Variants in AIPL1 observed in about 807,000 individuals in gnomAD.
The protein encoded by AIPL1 is aryl-hydrocarbon-interacting protein-like 1.
A neutral mutation model predicts 32.9 loss-of-function variants in AIPL1; 23 were observed. The observed-to-expected ratio is 0.70, with a 90% CI of 0.50 to 0.99. The LOEUF (loss-of-function observed/expected upper bound fraction) is 0.99. Among genes scored for constraint, AIPL1 ranks in the 50% least tolerant of loss-of-function variants. The pLI is 0.00. For missense variants in AIPL1, 485 were observed against 506.0 expected (o/e 0.96, Z 0.40); for synonymous variants, 210 against 209.4 (o/e 1.00, Z -0.02).
chr17:6,425,957 C>G, intron 5 of AIPL1, 127 bp from the exon 6 acceptor site: 1 of 1,308,068 alleles, frequency 7.6e-7, no homozygotes, highest in South Asian at 1.5e-5. Context: ...CTCTGTATCC[C>G]CCATCCCTCG....
intron 5 of AIPL1, 150 bp from the exon 6 acceptor site, chr17:6,425,980 G>A (rs960474692): frequency 8.7e-7 from 1 of 1,152,250 alleles, no homozygotes. Context: ...TTCCTCAACT[G>A]TAAGATGGAG....
chr17:6,425,275 T>G lies in AIPL1; in HGVS notation c.*185A>C. On this transcript the variant is annotated 3_prime_UTR_variant, in exon 6 of 6. Transcript: ENST00000381129. ...AGAGGGGTAGAGGAGAAAACTACTT[T>G]TATTCATAAGCTCTTCTGTACCCTT... is the stretch of plus-strand genomic sequence containing the variant. 2.8e-6 allele frequency: 2 copies of G among 717,478 alleles called. No homozygotes were observed. The highest frequency in any genetic ancestry group is 4.1e-6 in the Non-Finnish European group (2 of 482,542). 44.4% of individuals were successfully genotyped at this position (717,478 alleles called of 1,614,324 possible).
chr17:6,426,893 G>A lies in AIPL1; in HGVS notation c.630C>T (p.Asn210=). 1 of 1,614,174 alleles carries A rather than the reference G, an allele frequency of 6.2e-7. No individual in the cohort carries two copies. The highest frequency in any genetic ancestry group is 8.5e-7 in the Non-Finnish European group (1 of 1,180,048). The change falls in exon 4 of 6, where the codon AAC becomes AAT. Residue 210 remains asparagine, a synonymous_variant. Transcript: ENST00000381129. ...KYQEAIICLR[N]LQTKEKPWEV... ...AGCGGCCTCTGACCTTGGTCTGCAG[G>A]TTCCTTAGGCAGATGATGGCCTCCT... is the stretch of plus-strand genomic sequence containing the variant.
chr17:6,427,791 A>G (rs1397349660), intron 3 of AIPL1, among the ~76,000 whole-genome samples: 1 of 150,370 alleles, frequency 6.7e-6, no homozygotes, highest in African/African-American at 2.4e-5. Context: ...CACATTTTTA[A>G]AAACTGGTTC....
At chr17:6,433,242 G>A (rs1293873868) in intron 2 of AIPL1, among the ~76,000 whole-genome samples, 1 of 152,186 alleles carries the variant, frequency 6.6e-6, no homozygotes, top group Non-Finnish European at 1.5e-5. Context: ...GGGCAAAAAA[G>A]TGACCAGTGC....
chr17:6,425,698 C>G lies in AIPL1; in HGVS notation c.917G>C (p.Arg306Thr), dbSNP rs1307386356. The G allele has an allele frequency of 6.2e-7, 1 of 1,608,758 alleles. No individual in the cohort carries two copies. The highest frequency in any genetic ancestry group is 8.5e-7 in the Non-Finnish European group (1 of 1,179,990). Residue 306 changes from arginine (R) to threonine (T), a missense_variant, in exon 6 of 6, where the codon AGG (arginine) becomes ACG (threonine). Transcript: ENST00000381129. ...CTCCGCCATGCGGTTCTCCAGCAGCCTCAGCTCCCTGCGCACCGCCTTCTG... is the reference window on the plus strand; with the variant it reads ...CTCCGCCATGCGGTTCTCCAGCAGCGTCAGCTCCCTGCGCACCGCCTTCTG... ...SMQKAVRREL[R>T]LLENRMAEKQ... is the part of the protein sequence containing the mutation.
At position 6,425,262 on chromosome 17, in the gene AIPL1, G is replaced by A; in HGVS notation, c.*198C>T. ...CACGGAAGGAATGAGAGGGGTAGAG[G>A]AGAAAACTACTTTTATTCATAAGCT... On this transcript the variant is annotated 3_prime_UTR_variant, in exon 6 of 6. Coordinates refer to ENST00000381129, the MANE Select transcript of AIPL1 (RefSeq NM_014336.5). 8.1e-6 allele frequency: 5 copies of A among 618,120 alleles called. No individual in the cohort carries two copies. Among genetic ancestry groups the A allele is most frequent in the Non-Finnish European group, 1.3e-5 (5 of 393,738 alleles). The allele number at this position is 618,120 out of a possible 1,614,324, so 38.3% of individuals were successfully genotyped here.
At chr17:6,432,850 C>T (rs573533526) in intron 2 of AIPL1, among the ~76,000 whole-genome samples, 1 of 152,240 alleles carries the variant, frequency 6.6e-6, no homozygotes, top group Non-Finnish European at 1.5e-5. Flanking sequence ...AGGCTGGTCT[C>T]CAACTCCTGA....
In AIPL1 at chr17:6,425,480, C is replaced by T. The variant is rs915044721; in HGVS notation, c.1135G>A (p.Gly379Arg). The T allele has an allele frequency of 2.5e-6, 4 of 1,602,172 alleles. No individual in the cohort carries two copies. The highest frequency in any genetic ancestry group is 1.7e-5 in the Admixed American group (1 of 59,904). The change falls in exon 6 of 6, where the codon GGG becomes AGG. Residue 379 changes from glycine (G) to arginine (R), a missense_variant. Gly to Arg is a moderately radical substitution (Grantham distance 125, BLOSUM62 -2). Coordinates refer to ENST00000381129, the MANE Select transcript of AIPL1 (RefSeq NM_014336.5). The stretch of plus-strand genomic sequence containing the variant: ...GGGGCTCAGTGCTGCAGCGAGTGCC[C>T]TGGGGACGGGGGTGGCTCTGTGGCT... ...EPATEPPPSP[G>R]HSLQH
intron 5 of AIPL1, 154 bp from the exon 6 acceptor site, chr17:6,425,984 G>T: frequency 9.0e-7 from 1 of 1,112,798 alleles, no homozygotes; most frequent in Non-Finnish European, 1.2e-6. Context: ...TCAACTGTAA[G>T]ATGGAGATGA....
In AIPL1 at chr17:6,433,903, C is replaced by A. The variant is rs1165122917; in HGVS notation, c.276+16G>T. 3 of 1,612,164 alleles carry A rather than the reference C, an allele frequency of 1.9e-6. No individual in the cohort carries two copies. The African/African-American group carries it at 4.0e-5, about 22-fold the overall frequency. ...AAAGACTAGTCCCAGGAGACAGGCG[C>A]GCAGGGCCTACTTACGATGGTGTCG... On this transcript the variant is annotated intron_variant, in intron 2 of 5. Coordinates refer to ENST00000381129, the MANE Select transcript of AIPL1 (RefSeq NM_014336.5).
Position 6,425,787 on chromosome 17 carries a change from C to G in AIPL1, c.828G>C (p.Glu276Asp), listed in dbSNP as rs772357501. ...AYYVRARAHA[E>D]VWNEAEAKAD... ...CCTTGGCCTCGGCCTCATTCCACAC[C>G]TCTGCGTGAGCCCGGGCACGCACGT... Residue 276 changes from glutamate (E) to aspartate (D), a missense_variant, in exon 6 of 6, where the codon GAG (glutamate) becomes GAC (aspartate). By Grantham distance (45) the Glu-to-Asp change is conservative. Coordinates refer to ENST00000381129, the MANE Select transcript of AIPL1 (RefSeq NM_014336.5). 26 of 1,606,224 alleles carry G rather than the reference C, an allele frequency of 1.6e-5. No homozygotes were observed. In the East Asian group the frequency reaches 4.0e-4, roughly 25 times the overall value.
intron 3 of AIPL1, among the ~76,000 whole-genome samples, chr17:6,427,823 T>C (rs74585765): frequency 6.9e-5 from 10 of 144,490 alleles, no homozygotes; most frequent in South Asian, 2.2e-4. Flanking sequence ...TTTTTTTTTT[T>C]CTTTTTTTTG....
At chr17:6,427,135 C>T in intron 3 of AIPL1, 78 bp from the exon 4 acceptor site, 2 of 1,508,978 alleles carry the variant, frequency 1.3e-6, no homozygotes, top group Non-Finnish European at 1.8e-6. Context: ...AAACAGGACC[C>T]TGTGGCACAT....
rs775648471 is a variant in AIPL1, at chr17:6,434,927, T to A, written c.96+82A>T. 2.5e-6 allele frequency: 4 copies of A among 1,602,202 alleles called. No individual in the cohort carries two copies. In the Admixed American group the frequency reaches 6.8e-5, roughly 27 times the overall value. Reference sequence around the variant, plus strand: ...CTGTTTTTTTGGCACAGCTGAAAGCTGTTTACAGTGCCTTGGGGCACACCT... The same window carrying A: ...CTGTTTTTTTGGCACAGCTGAAAGCAGTTTACAGTGCCTTGGGGCACACCT... On this transcript the variant is annotated intron_variant, in intron 1 of 5. Transcript: ENST00000381129.
rs925616 is a variant in AIPL1 at position 6,426,833 on chromosome 17, C to G, written c.642+48G>C. ...CCCACCCTGGCCGGCACTGGGCAGG[C>G]CCCCCAGAGTCAGCGCCACTTCCCA... On this transcript the variant is annotated intron_variant, in intron 4 of 5. Coordinates refer to ENST00000381129, the MANE Select transcript of AIPL1 (RefSeq NM_014336.5). 3.7e-6 allele frequency: 6 copies of G among 1,612,812 alleles called. No homozygotes were observed. The Admixed American group carries it at 1.0e-4, about 27-fold the overall frequency.
intron 2 of AIPL1, among the ~76,000 whole-genome samples, chr17:6,429,344 T>C (rs907073980): frequency 5.9e-5 from 9 of 152,146 alleles, no homozygotes; most frequent in Non-Finnish European, 1.0e-4. Context: ...GGGCTGAAAC[T>C]CTATGCAGCA....
chr17:6,425,517 G>T lies in AIPL1; in HGVS notation c.1098C>A (p.Pro366=), dbSNP rs2150673826. The change falls in exon 6 of 6, where the codon CCC becomes CCA. Residue 366 remains proline (P), a synonymous_variant. Coordinates refer to ENST00000381129, the MANE Select transcript of AIPL1 (RefSeq NM_014336.5). ...TAPSAELSAG[P]PAEPATEPPP... ...GTGGCTCTGTGGCTGGCTCTGCAGGGGGCCCTGCGGACAGCTCTGCAGATG... is the reference window on the plus strand; with the variant it reads ...GTGGCTCTGTGGCTGGCTCTGCAGGTGGCCCTGCGGACAGCTCTGCAGATG... The T allele has an allele frequency of 1.2e-6, 2 of 1,610,136 alleles. No individual in the cohort carries two copies. The highest frequency in any genetic ancestry group is 8.5e-7 in the Non-Finnish European group (1 of 1,179,300).
intron 2 of AIPL1, among the ~76,000 whole-genome samples, chr17:6,430,088 CAT>C (rs1567640831): frequency 7.2e-6 from 1 of 139,244 alleles, no homozygotes; most frequent in African/African-American, 2.8e-5. Context: ...TGTGTGTGTG[CAT>C]GCGTACATGC....
Sources: gnomAD v4.1 joint callset for allele counts (sites outside exome capture counted in the v4.1 genomes callset) on GRCh38, gnomAD v4.1.1 for gene constraint, MANE v1.5 for transcripts, NCBI Gene and HGNC (gene_info 2026-07-23, HGNC 2026-07-21) for gene names.